Variants in SIGLEC1 observed in about 807,000 individuals in gnomAD.
SIGLEC1 encodes the protein sialoadhesin.
SIGLEC1 carries 132 observed loss-of-function variants against 148.0 expected under a neutral mutation model. That is an observed-to-expected ratio of 0.89 (90% CI 0.77 to 1.03). The LOEUF (loss-of-function observed/expected upper bound fraction) is 1.03, where lower values mean the gene tolerates loss of function less well. Ranked by LOEUF, SIGLEC1 falls within the 50% of genes least tolerant of loss-of-function variation. The probability of loss-of-function intolerance (pLI) is 0.00; values close to 1 mark genes in which losing one functional copy is unlikely to be tolerated. For synonymous variants in SIGLEC1, 945 were observed against 969.0 expected (o/e 0.98, Z 0.46); for missense variants, 2,253 against 2,271.4 (o/e 0.99, Z 0.16).
intron 16 of SIGLEC1, 119 bp from the exon 17 acceptor site, chr20:3,692,321 G>T: frequency 8.2e-7 from 1 of 1,213,108 alleles, no homozygotes; most frequent in Non-Finnish European, 1.1e-6. Flanking sequence ...TCCTAGAAGT[G>T]ACACCTTCCC....
chr20:3,709,066 A>AAAAG (rs2087914852), intron 1 of SIGLEC1, among the ~76,000 whole-genome samples: 1 of 151,756 alleles, frequency 6.6e-6, no homozygotes, highest in Admixed American at 6.6e-5. Flanking sequence ...AAAAAAAAAA[A>AAAAG]AGGATATGAA....
rs781107579 is a variant in SIGLEC1, at chr20:3,691,490, A to C, written c.4441T>G (p.Trp1481Gly). ...PGPVGNSTFAWFWNDRRLHAE... is the reference protein window; with the variant it reads ...PGPVGNSTFAGFWNDRRLHAE... ...TGCAGCCGCCGGTCATTCCAGAACC[A>C]TGCAAAGGTGGAGTTGCCCACAGGC... Residue 1481 changes from tryptophan to glycine, a missense_variant, in exon 18 of 22, where the codon TGG (tryptophan) becomes GGG (glycine). Physicochemically the swap from Trp to Gly is radical, Grantham distance 184. Coordinates refer to ENST00000344754, the MANE Select transcript of SIGLEC1 (RefSeq NM_023068.4). The C allele has an allele frequency of 1.2e-6, 2 of 1,613,326 alleles. No individual in the cohort carries two copies. Among genetic ancestry groups the C allele is most frequent in the East Asian group, 4.5e-5 (2 of 44,896 alleles).
rs2087923188 is a variant in SIGLEC1 at position 3,710,702 on chromosome 20, G to T, written c.-110+1768C>A. Among the ~76,000 whole-genome samples the T allele has an allele frequency of 6.6e-6, 1 of 152,198 alleles. No individual in the cohort carries two copies. Among genetic ancestry groups the T allele is most frequent in the Non-Finnish European group, 1.5e-5 (1 of 68,034 alleles). The stretch of plus-strand genomic sequence containing the variant: ...AGCTCCCCTGTTCCTCCCATTTGGG[G>T]TCCTGAAAAGGGCAATCGTGAACCT... On this transcript the variant is annotated intron_variant, in intron 1 of 21. Transcript: ENST00000344754. The surrounding 1 kb of genome is among the most constrained non-coding windows in gnomAD (Gnocchi z 4.6).
chr20:3,707,028 G>C lies in SIGLEC1; in HGVS notation c.49+52C>G, dbSNP rs368193880. On this transcript the variant is annotated intron_variant, in intron 2 of 21. Transcript: ENST00000344754. ...GCATAGTCTAATCTGCCAAGGGCTGGACTTATGAAGGCTGGACCCTGGAAG... is the reference window on the plus strand; with the variant it reads ...GCATAGTCTAATCTGCCAAGGGCTGCACTTATGAAGGCTGGACCCTGGAAG... The C allele has an allele frequency of 5.7e-6, 9 of 1,569,720 alleles. No individual in the cohort carries two copies. The African/African-American group carries it at 1.2e-4, about 21-fold the overall frequency.
chr20:3,697,074 C>A lies in SIGLEC1; in HGVS notation c.2380+11G>T. 1 of 1,607,534 alleles carries A rather than the reference C, an allele frequency of 6.2e-7. No individual in the cohort carries two copies. The highest frequency in any genetic ancestry group is 1.1e-5 in the South Asian group (1 of 91,042). On this transcript the variant is annotated intron_variant, in intron 10 of 21. Transcript: ENST00000344754. ...CTCCAAGTCCCCAGGCTGCCCATGC[C>A]AGTCACCCACAGAGTACACTCAGGA...
At chr20:3,702,775 T>C (rs1322584716) in intron 6 of SIGLEC1, among the ~76,000 whole-genome samples, 1 of 152,118 alleles carries the variant, frequency 6.6e-6, no homozygotes, top group East Asian at 1.9e-4. Context: ...TCCATATATG[T>C]ATAAGTGCAC....
At position 3,707,226 on chromosome 20, in the gene SIGLEC1, C is replaced by T. The variant is rs929246732; in HGVS notation, c.-98G>A. On this transcript the variant is annotated 5_prime_UTR_variant, in exon 2 of 22. Transcript: ENST00000344754. ...CCAGGGACACCTCTGGGCACTTTAG[C>T]CCCAGCACCTGCTAGAAGTCCGAGC... The T allele has an allele frequency of 2.8e-6, 3 of 1,054,830 alleles. No individual in the cohort carries two copies. Among genetic ancestry groups the T allele is most frequent in the Admixed American group, 1.9e-5 (1 of 53,302 alleles). The allele number at this position is 1,054,830 out of a possible 1,614,324, so 65.3% of individuals were successfully genotyped here. A position where few individuals can be genotyped will look rare whatever the true frequency, so the allele number is the denominator to read the frequency against.
At chr20:3,690,834 T>C (rs941728563) in intron 18 of SIGLEC1, among the ~76,000 whole-genome samples, 25 of 103,294 alleles carry the variant, frequency 2.4e-4, no homozygotes, top group Non-Finnish European at 3.9e-4. Flanking sequence ...CTTTTCTTTT[T>C]TTTTTTTTTT....
Position 3,696,477 on chromosome 20 carries a change from T to C in SIGLEC1, c.2683+109A>G, listed in dbSNP as rs560925151. On this transcript the variant is annotated intron_variant, in intron 11 of 21. Transcript: ENST00000344754. ...GGCTGGAAACTGCCCTTACCAGGAC[T>C]GAAAAAGACATATTTCTGCACAAAA... 47 of 1,136,400 alleles carry C rather than the reference T, an allele frequency of 4.1e-5. No homozygotes were observed. In the East Asian group the frequency reaches 1.2e-3, roughly 28 times the overall value. 70.4% of individuals were successfully genotyped at this position (1,136,400 alleles called of 1,614,324 possible).
In SIGLEC1 at chr20:3,692,169, C is replaced by T. The variant is rs767856978; in HGVS notation, c.4064G>A (p.Arg1355Gln). 7.6e-6 allele frequency: 12 copies of T among 1,575,286 alleles called. No individual in the cohort carries two copies. Among genetic ancestry groups the T allele is most frequent in the Admixed American group, 5.1e-5 (3 of 58,606 alleles). The change falls in exon 17 of 22, where the codon CGG becomes CAG. Residue 1355 changes from arginine (R) to glutamine (Q), a missense_variant. Transcript: ENST00000344754. Reference protein sequence around the residue: ...APQDAVLSSFRDSRARSMAVI... With the variant: ...APQDAVLSSFQDSRARSMAVI... ...AGCCATGGATCTGGCCCTGGAGTCC[C>T]GGAAGGAGGACAGGACAGCGTCCTG...
intron 13 of SIGLEC1, 52 bp downstream of exon 13, chr20:3,694,169 T>C: frequency 7.1e-7 from 1 of 1,408,844 alleles, no homozygotes; most frequent in Non-Finnish European, 9.5e-7. Flanking sequence ...TCTCCTCTTT[T>C]AAAGGACACA....
rs768734197 is a variant in SIGLEC1 at position 3,703,461 on chromosome 20, C to A, written c.974-10G>T. ...ACCTGGACCTCAGCCACTGCAAGGG[C>A]AGCATAGGGAGTGCTGGGGGGTCCC... On this transcript the variant is annotated splice_polypyrimidine_tract_variant and intron_variant, in intron 5 of 21. Transcript: ENST00000344754. 3 of 1,561,028 alleles carry A rather than the reference C, an allele frequency of 1.9e-6. No individual in the cohort carries two copies. The highest frequency in any genetic ancestry group is 2.3e-5 in the East Asian group (1 of 44,440).
At position 3,693,002 on chromosome 20, in the gene SIGLEC1, G is replaced by A; in HGVS notation, c.3638C>T (p.Ala1213Val). 1.2e-6 allele frequency: 2 copies of A among 1,612,082 alleles called. No individual in the cohort carries two copies. The change falls in exon 15 of 22, where the codon GCC becomes GTC. Residue 1213 changes from alanine (A) to valine (V), a missense_variant. By Grantham distance (64) the Ala-to-Val change is moderately conservative (BLOSUM62 0). Coordinates refer to ENST00000344754, the MANE Select transcript of SIGLEC1 (RefSeq NM_023068.4). Reference protein sequence around the residue: ...LALSHAGRLLASSTAASVPNT... With the variant: ...LALSHAGRLLVSSTAASVPNT... ...GGGGACAGAGGCTGCTGTCGAGGAG[G>A]CCAAGAGGCGACCGGCGTGGCTGAG...
At chr20:3,691,767 C>T (rs2146518948) in intron 17 of SIGLEC1, 136 bp downstream of exon 17, 1 of 1,328,288 alleles carries the variant, frequency 7.5e-7, no homozygotes, top group East Asian at 2.4e-5. Flanking sequence ...GAGCTGTGCC[C>T]CCTCCACCAG....
intron 15 of SIGLEC1, 23 bp downstream of exon 15, chr20:3,692,839 G>C: frequency 6.2e-7 from 1 of 1,602,498 alleles, no homozygotes. Context: ...ATCCCAGTGG[G>C]CTTGGCCTAG....
intron 16 of SIGLEC1, 116 bp downstream of exon 16, chr20:3,692,405 T>A: frequency 7.7e-7 from 1 of 1,300,376 alleles, no homozygotes; most frequent in Non-Finnish European, 1.0e-6. Flanking sequence ...ATGTCCTCTT[T>A]CCCCAACTGC....
Position 3,703,336 on chromosome 20 carries a change from G to T in SIGLEC1, c.1089C>A (p.Asn363Lys). ...PSDLRYSWYK[N>K]HVLLEDAHSH... ...AGTGGGCATCCTCCAGCAGGACATG[G>T]TTCTTGTACCAGCTGTAGCGGAGAT... The change falls in exon 6 of 22, where the codon AAC (asparagine) becomes AAA (lysine). Residue 363 changes from asparagine (N) to lysine (K), a missense_variant. By Grantham distance (94) the Asn-to-Lys change is moderately conservative (BLOSUM62 0). Coordinates refer to ENST00000344754, the MANE Select transcript of SIGLEC1 (RefSeq NM_023068.4). 1 of 1,614,144 alleles carries T rather than the reference G, an allele frequency of 6.2e-7. No homozygotes were observed. Among genetic ancestry groups the T allele is most frequent in the Non-Finnish European group, 8.5e-7 (1 of 1,180,000 alleles).
chr20:3,694,145 C>G lies in SIGLEC1; in HGVS notation c.3256+76G>C, dbSNP rs2088795229. ...TCCCGTGCCCCCAGGCTTCTAGAAC[C>G]CTGTCCCACCTCCTCTCCTCTTTTA... is the stretch of plus-strand genomic sequence containing the variant. On this transcript the variant is annotated intron_variant, in intron 13 of 21. Coordinates refer to ENST00000344754, the MANE Select transcript of SIGLEC1 (RefSeq NM_023068.4). 7.4e-6 allele frequency: 11 copies of G among 1,482,928 alleles called. No homozygotes were observed. In the South Asian group the frequency reaches 1.3e-4, roughly 17 times the overall value. The allele number at this position is 1,482,928 out of a possible 1,614,324, so 91.9% of individuals were successfully genotyped here. A position where few individuals can be genotyped will look rare whatever the true frequency, so the allele number is the denominator to read the frequency against.
Position 3,701,515 on chromosome 20 carries a change from AG to A in SIGLEC1, c.1354del (p.Leu452TrpfsTer76), listed in dbSNP as rs774615901. Reference sequence around the variant, plus strand: ...ATCACTGTCCCCGGAGGTGGAGGCCAGGATATGACCCCCATGTGACAGCACC... The same window carrying A: ...ATCACTGTCCCCGGAGGTGGAGGCCAGATATGACCCCCATGTGACAGCACC... ...TLVLSHGGHI[L>X]ASTSGDSDHS... On this transcript the variant is annotated frameshift_variant, in exon 7 of 22. Transcript: ENST00000344754. LOFTEE classifies it high-confidence loss of function. 1 of 1,614,060 alleles carries A rather than the reference AG, an allele frequency of 6.2e-7. No homozygotes were observed.
Sources: gnomAD v4.1 joint callset for allele counts (sites outside exome capture counted in the v4.1 genomes callset) on GRCh38, gnomAD v4.1.1 for gene constraint, Gnocchi (gnomAD v3.1) non-coding constraint, MANE v1.5 for transcripts, NCBI Gene and HGNC (gene_info 2026-07-23, HGNC 2026-07-21) for gene names.